TNRC18: variants seen among roughly 807,000 people sequenced by gnomAD.
The protein encoded by TNRC18 is trinucleotide repeat-containing gene 18 protein.
Under a neutral mutation model 226.7 loss-of-function variants are expected in TNRC18, and 69 were observed. The observed-to-expected ratio is 0.30, with a 90% CI of 0.25 to 0.37. The LOEUF is 0.37. Ranked by LOEUF, TNRC18 falls within the 10% of genes least tolerant of loss-of-function variation. TNRC18 has a pLI of 1.00. For missense variants in TNRC18, 4,754 were observed against 4,256.6 expected (o/e 1.12, Z -3.25); for synonymous variants, 2,449 against 1,927.6 (o/e 1.27, Z -7.09).
At chr7:5,311,143 T>C (rs1014021819) in intron 27 of TNRC18, among the ~76,000 whole-genome samples, 1 of 152,184 alleles carries the variant, frequency 6.6e-6, no homozygotes, top group Non-Finnish European at 1.5e-5. Context: ...TGTGTATACT[T>C]GCTTTTGTGT....
intron 16 of TNRC18, among the ~76,000 whole-genome samples, chr7:5,352,820 C>T (rs1012241480): frequency 9.8e-5 from 15 of 152,360 alleles, no homozygotes; most frequent in Admixed American, 9.1e-4. Flanking sequence ...GCCATGCTCA[C>T]GCCATTTTGA....
intron 2 of TNRC18, among the ~76,000 whole-genome samples, chr7:5,408,418 C>A (rs1441290658): frequency 1.3e-5 from 2 of 151,948 alleles, no homozygotes; most frequent in Non-Finnish European, 2.9e-5. Flanking sequence ...GAGCCCACGG[C>A]GGGTAGATCA....
intron 11 of TNRC18, among the ~76,000 whole-genome samples, chr7:5,363,187 C>T (rs1793248180): frequency 6.6e-6 from 1 of 152,190 alleles, no homozygotes; most frequent in Admixed American, 6.5e-5. Context: ...CCTGGAATCC[C>T]AGCTACTCGG....
chr7:5,332,586 C>A, intron 19 of TNRC18, 36 bp downstream of exon 19: 2 of 1,503,834 alleles, frequency 1.3e-6, no homozygotes, highest in Non-Finnish European at 1.8e-6. Context: ...ACCCCAGGGA[C>A]CCTTCTGCGG....
At chr7:5,392,166 AT>A (rs1319954036) in intron 3 of TNRC18, among the ~76,000 whole-genome samples, 1 of 152,136 alleles carries the variant, frequency 6.6e-6, no homozygotes, top group Non-Finnish European at 1.5e-5. Flanking sequence ...TCATCCAATC[AT>A]TCAAACAGCA....
At chr7:5,323,975 G>A (rs893403928) in intron 21 of TNRC18, among the ~76,000 whole-genome samples, 1 of 152,142 alleles carries the variant, frequency 6.6e-6, no homozygotes, top group Non-Finnish European at 1.5e-5. Context: ...CCCAAGCCCC[G>A]CAGGACCTGC....
Position 5,320,409 on chromosome 7 carries a change from T to A in TNRC18, c.6654A>T (p.Pro2218=). The A allele has an allele frequency of 6.4e-7, 1 of 1,562,084 alleles. No individual in the cohort carries two copies. Among genetic ancestry groups the A allele is most frequent in the African/African-American group, 1.4e-5 (1 of 73,762 alleles). The part of the protein sequence containing the change: ...LLQEAIIDVR[P]ASTRFLPQGT... Reference sequence around the variant, plus strand: ...CTTGTGGCAAGAAGCGAGTGGAGGCTGGCCTCACATCGATGATCTAGAAGG... The same window carrying A: ...CTTGTGGCAAGAAGCGAGTGGAGGCAGGCCTCACATCGATGATCTAGAAGG... Residue 2218 remains proline (P), a synonymous_variant, in exon 24 of 30, where the codon CCA becomes CCT. Transcript: ENST00000430969.
At chr7:5,357,384 G>C in intron 15 of TNRC18, 108 bp from the exon 16 acceptor site, 3 of 1,192,414 alleles carry the variant, frequency 2.5e-6, no homozygotes, top group Non-Finnish European at 3.5e-6. Flanking sequence ...ACCTGCCTCT[G>C]TGATTTAACT....
rs1470743241 is a variant in TNRC18, at chr7:5,394,859, G to T, written c.188-264C>A. Among the ~76,000 whole-genome samples the T allele has an allele frequency of 6.6e-6, 1 of 152,084 alleles. No homozygotes were observed. Among genetic ancestry groups the T allele is most frequent in the Non-Finnish European group, 1.5e-5 (1 of 67,988 alleles). Reference sequence around the variant, plus strand: ...CCCCACAGCAGACCCTCAGCCCTGGGCACCCCGCACCCTCGGAGGAGGGCC... The same window carrying T: ...CCCCACAGCAGACCCTCAGCCCTGGTCACCCCGCACCCTCGGAGGAGGGCC... On this transcript the variant is annotated intron_variant, in intron 2 of 29. Coordinates refer to ENST00000430969, the MANE Select transcript of TNRC18 (RefSeq NM_001080495.3). This position sits in a 1 kb window ranked among gnomAD's most constrained non-coding sequence, Gnocchi z 4.5.
chr7:5,375,321 A>AAAAC (rs71827731), intron 9 of TNRC18, among the ~76,000 whole-genome samples: 22,467 of 151,660 alleles, frequency 0.15, 1,910 homozygotes, highest in Admixed American at 0.25. Flanking sequence ...AAAAACAACA[A>AAAAC]AAACAAACAA....
intron 14 of TNRC18, among the ~76,000 whole-genome samples, chr7:5,360,948 C>T (rs1792972166): frequency 6.6e-6 from 1 of 152,186 alleles, no homozygotes. Context: ...CCCTCCTGCC[C>T]CAGGCTCCCA....
In TNRC18 at chr7:5,386,434, A is replaced by G. The variant is rs139937733; in HGVS notation, c.2152+1238T>C. On this transcript the variant is annotated intron_variant, in intron 5 of 29. Coordinates refer to ENST00000430969, the MANE Select transcript of TNRC18 (RefSeq NM_001080495.3). ...TCTACTAAAAATACAAAAATTAGCC[A>G]GGCATGGTGATGCATACCTGTAATG... is the stretch of plus-strand genomic sequence containing the variant. Among the ~76,000 whole-genome samples, 50 of 151,826 alleles carry G rather than the reference A, an allele frequency of 3.3e-4. 1 individual carries two copies. The East Asian group carries it at 7.8e-3, about 24-fold the overall frequency.
chr7:5,346,355 C>T (rs1367962406), intron 17 of TNRC18, among the ~76,000 whole-genome samples: 1 of 152,108 alleles, frequency 6.6e-6, no homozygotes, highest in Non-Finnish European at 1.5e-5. Context: ...GCCAGGGGAC[C>T]CCCATGGTTT....
chr7:5,328,580 C>T lies in TNRC18; in HGVS notation c.6148-3332G>A, dbSNP rs1473489979. ...CTGGAGTGCAGTGGCACAATCTCGGCTCACTGCAACCTCCGCCTCCTGGGT... is the reference window on the plus strand; with the variant it reads ...CTGGAGTGCAGTGGCACAATCTCGGTTCACTGCAACCTCCGCCTCCTGGGT... On this transcript the variant is annotated intron_variant, in intron 19 of 29. Coordinates refer to ENST00000430969, the MANE Select transcript of TNRC18 (RefSeq NM_001080495.3). Among the ~76,000 whole-genome samples, 3 of 151,626 alleles carry T rather than the reference C, an allele frequency of 2.0e-5. No individual in the cohort carries two copies. In the East Asian group the frequency reaches 5.9e-4, roughly 30 times the overall value.
intron 24 of TNRC18, among the ~76,000 whole-genome samples, chr7:5,317,823 G>A (rs1411644093): frequency 6.6e-5 from 10 of 150,828 alleles, no homozygotes; most frequent in South Asian, 2.1e-4. Flanking sequence ...CTCCCACTTC[G>A]GTCTCCCAAG....
In TNRC18 at chr7:5,313,824, T is replaced by C; in HGVS notation, c.7067A>G (p.Glu2356Gly). The C allele has an allele frequency of 2.0e-6, 3 of 1,506,400 alleles. No homozygotes were observed. The highest frequency in any genetic ancestry group is 2.7e-6 in the Non-Finnish European group (3 of 1,127,934). The allele number at this position is 1,506,400 out of a possible 1,614,324, so 93.3% of individuals were successfully genotyped here. Residue 2356 changes from glutamate to glycine, a missense_variant, in exon 27 of 30, where the codon GAG becomes GGG. Glu to Gly is a moderately conservative substitution (Grantham distance 98). Transcript: ENST00000430969. ...ATLEEGNPTDEVPSTPLALEP... is the reference protein window; with the variant it reads ...ATLEEGNPTDGVPSTPLALEP... ...CAGGGCTAAGGGGGTACTGGGGACCTCGTCTGTTGGGTTCCCCTCCTCCAG... is the reference window on the plus strand; with the variant it reads ...CAGGGCTAAGGGGGTACTGGGGACCCCGTCTGTTGGGTTCCCCTCCTCCAG...
chr7:5,420,346 G>C, intron 2 of TNRC18: 1 of 455,864 alleles, frequency 2.2e-6, no homozygotes, highest in South Asian at 1.5e-5. Context: ...GTTCGGGACC[G>C]CGATGGTCCG....
At chr7:5,322,106 T>C (rs183990236) in intron 21 of TNRC18, among the ~76,000 whole-genome samples, 4 of 152,070 alleles carry the variant, frequency 2.6e-5, no homozygotes, top group African/African-American at 4.8e-5. Context: ...GGTGAAACCC[T>C]GTCTCTACTA....
intron 2 of TNRC18, among the ~76,000 whole-genome samples, chr7:5,417,195 C>T (rs938932285): frequency 3.3e-5 from 5 of 150,100 alleles, no homozygotes; most frequent in Non-Finnish European, 7.4e-5. Context: ...CAGCTGGGCG[C>T]AGTGGTACAC....
Sources: allele counts gnomAD v4.1 joint callset (sites outside exome capture counted in the v4.1 genomes callset), GRCh38; gene constraint gnomAD v4.1.1; non-coding constraint Gnocchi (gnomAD v3.1); transcripts MANE v1.5; gene names NCBI Gene and HGNC (gene_info 2026-07-23, HGNC 2026-07-21).